R3HDM1: variants seen among roughly 807,000 people sequenced by gnomAD.
R3HDM1 encodes the protein R3H domain containing 1, also known as R3H domain-containing protein 1.
Under a neutral mutation model 141.1 loss-of-function variants are expected in R3HDM1, and 46 were observed. That is an observed-to-expected ratio of 0.33 (90% CI 0.26 to 0.42). The LOEUF (loss-of-function observed/expected upper bound fraction) is 0.42, where lower values mean the gene tolerates loss of function less well. R3HDM1 is among the 10% of genes least tolerant of loss of function. R3HDM1 has a pLI of 1.00. For missense variants in R3HDM1, 1,184 were observed against 1,368.3 expected (o/e 0.87, Z 2.12); for synonymous variants, 435 against 472.9 (o/e 0.92, Z 1.04).
At chr2:135,583,693 A>C in intron 1 of R3HDM1, 2 of 966,844 alleles carry the variant, frequency 2.1e-6, no homozygotes, top group South Asian at 9.6e-5. Flanking sequence ...TGCTCTTTTT[A>C]TTTAGAATGT....
chr2:135,613,954 T>A (rs186535105), intron 3 of R3HDM1, among the ~76,000 whole-genome samples: 16 of 152,346 alleles, frequency 1.1e-4, no homozygotes, highest in East Asian at 7.7e-4. Context: ...TAAAGTTTTT[T>A]AAAATATATT....
At chr2:135,606,529 C>G (rs757530103) in intron 3 of R3HDM1, 1 of 151,748 alleles carries the variant, frequency 6.6e-6, no homozygotes, top group South Asian at 2.1e-4. Context: ...TTTGGGAGAC[C>G]GAGGTGAGTG....
intron 20 of R3HDM1, among the ~76,000 whole-genome samples, chr2:135,678,083 G>A (rs1272282169): frequency 1.3e-5 from 2 of 152,068 alleles, no homozygotes; most frequent in Non-Finnish European, 2.9e-5. Context: ...TCATGCTTCA[G>A]CCTCCCTAGT....
intron 19 of R3HDM1, among the ~76,000 whole-genome samples, chr2:135,672,927 G>GA (rs1236389905): frequency 6.6e-6 from 1 of 152,194 alleles, no homozygotes; most frequent in Non-Finnish European, 1.5e-5. Context: ...CCAACATGGT[G>GA]AAACCCCCAT....
chr2:135,695,366 T>C (rs932030367), intron 21 of R3HDM1, among the ~76,000 whole-genome samples: 2 of 152,072 alleles, frequency 1.3e-5, no homozygotes, highest in Non-Finnish European at 2.9e-5. Context: ...ACAATGCCAG[T>C]ATAAAAATCA....
In R3HDM1 at chr2:135,673,221, G is replaced by A. The variant is rs111705259; in HGVS notation, c.2153-2111G>A. On this transcript the variant is annotated intron_variant, in intron 19 of 26. Coordinates refer to ENST00000683871, the MANE Select transcript of R3HDM1 (RefSeq NM_001378107.1). ...CTAGCTCCTCAGGAGGCTAAGGTGG[G>A]GAGGATTCATTGAGATGAGGAGCTC... 1.4e-3 allele frequency among the ~76,000 whole-genome samples: 206 copies of A among 152,326 alleles called. 2 individuals are homozygous for A. Among genetic ancestry groups the A allele is most frequent in the African/African-American group, 4.4e-3 (181 of 41,568 alleles).
intron 21 of R3HDM1, among the ~76,000 whole-genome samples, chr2:135,681,950 T>A (rs1248353053): frequency 6.6e-6 from 1 of 151,644 alleles, no homozygotes; most frequent in Non-Finnish European, 1.5e-5. Context: ...TGCTACAAAA[T>A]GAAAATAGAA....
chr2:135,611,467 A>G (rs2060544692), intron 3 of R3HDM1, among the ~76,000 whole-genome samples: 1 of 152,172 alleles, frequency 6.6e-6, no homozygotes, highest in Non-Finnish European at 1.5e-5. Flanking sequence ...TGCTATTAAC[A>G]ATGTTATAAT....
chr2:135,583,806 GAAGA>G, intron 1 of R3HDM1: 1 of 985,380 alleles, frequency 1.0e-6, no homozygotes, highest in Non-Finnish European at 1.2e-6. Flanking sequence ...GAAAAATAAA[GAAGA>G]AAGTTTATCA....
At chr2:135,641,270 T>A (rs1439137079) in intron 14 of R3HDM1, among the ~76,000 whole-genome samples, 4 of 152,306 alleles carry the variant, frequency 2.6e-5, no homozygotes, top group Middle Eastern at 6.8e-3. Context: ...GTGCTTTTTG[T>A]GGCTGTCTGT....
rs571370501 is a variant in R3HDM1 at position 135,661,123 on chromosome 2, T to A, written c.2029-147T>A. The A allele has an allele frequency of 1.4e-4, 146 of 1,049,868 alleles. 1 individual carries two copies. The highest frequency in any genetic ancestry group is 3.3e-4 in the Admixed American group (12 of 36,552). 65.0% of individuals were successfully genotyped at this position (1,049,868 alleles called of 1,614,324 possible). A position where few individuals can be genotyped will look rare whatever the true frequency, so the allele number is the denominator to read the frequency against. On this transcript the variant is annotated intron_variant, in intron 18 of 26. Coordinates refer to ENST00000683871, the MANE Select transcript of R3HDM1 (RefSeq NM_001378107.1). Reference sequence around the variant, plus strand: ...ATGCATACTTTGTTTGAATTTTTTTTAAATTTCAGTTAAATTTAAGAAAAA... The same window carrying A: ...ATGCATACTTTGTTTGAATTTTTTTAAAATTTCAGTTAAATTTAAGAAAAA...
intron 18 of R3HDM1, among the ~76,000 whole-genome samples, chr2:135,659,619 G>T (rs760352023): frequency 6.6e-6 from 1 of 151,970 alleles, no homozygotes; most frequent in Non-Finnish European, 1.5e-5. Context: ...TTAATTTTCA[G>T]TAGTGATAGG....
At chr2:135,723,889 C>T (rs747924725) in intron 26 of R3HDM1, 48 bp from the exon 27 acceptor site, 67 of 1,452,348 alleles carry the variant, frequency 4.6e-5, no homozygotes, top group Admixed American at 2.4e-4. Flanking sequence ...TTTTACCCAA[C>T]TTTTTTGGTA....
At chr2:135,668,481 G>A (rs550083000) in intron 19 of R3HDM1, among the ~76,000 whole-genome samples, 54 of 152,240 alleles carry the variant, frequency 3.5e-4, no homozygotes, top group African/African-American at 1.1e-3. Flanking sequence ...AATGCCAGTC[G>A]AATTTCCCTT....
At chr2:135,675,528 G>A (rs200468595) in intron 20 of R3HDM1, 42 bp downstream of exon 20, 119 of 1,541,880 alleles carry the variant, frequency 7.7e-5, no homozygotes, top group Middle Eastern at 5.2e-4. Context: ...AGATGATTTC[G>A]AATAAATTAA....
At chr2:135,709,390 GTCA>G in intron 21 of R3HDM1, 40 bp from the exon 22 acceptor site, 1 of 1,610,908 alleles carries the variant, frequency 6.2e-7, no homozygotes, top group Non-Finnish European at 8.5e-7. Flanking sequence ...AATGTTTATA[GTCA>G]TCCTCCTCTC....
intron 1 of R3HDM1, among the ~76,000 whole-genome samples, chr2:135,583,403 A>G (rs1273253222): frequency 6.6e-6 from 1 of 152,184 alleles, no homozygotes; most frequent in African/African-American, 2.4e-5. Context: ...ATGAAAGGTT[A>G]GCCTGCATGA....
At chr2:135,650,361 C>T (rs1350642223) in intron 17 of R3HDM1, 2 of 984,790 alleles carry the variant, frequency 2.0e-6, no homozygotes, top group Non-Finnish European at 2.4e-6. Flanking sequence ...CTATTTTCTC[C>T]CCAACACTGT....
chr2:135,630,303 AAAAAAC>A (rs1559291551), intron 7 of R3HDM1, among the ~76,000 whole-genome samples: 7 of 146,784 alleles, frequency 4.8e-5, no homozygotes, highest in African/African-American at 1.8e-4. Flanking sequence ...AAAAAAAAAA[AAAAAAC>A]AAAAAAAAAA....
Sources: gnomAD v4.1 joint callset for allele counts (sites outside exome capture counted in the v4.1 genomes callset) on GRCh38, gnomAD v4.1.1 for gene constraint, MANE v1.5 for transcripts, NCBI Gene and HGNC (gene_info 2026-07-23, HGNC 2026-07-21) for gene names.